SYNE2: variants seen among roughly 807,000 people sequenced by gnomAD.
SYNE2 encodes nesprin-2.
SYNE2 carries 431 observed loss-of-function variants against 856.3 expected under a neutral mutation model. The observed-to-expected ratio is 0.50, with a 90% confidence interval of 0.47 to 0.55. The LOEUF (loss-of-function observed/expected upper bound fraction) is 0.55, where lower values mean the gene tolerates loss of function less well. Ranked by LOEUF, SYNE2 falls within the 20% of genes least tolerant of loss-of-function variation. The pLI is 0.00. For synonymous variants in SYNE2, 2,923 were observed against 2,872.3 expected, an observed-to-expected ratio of 1.02 and a Z score of -0.56; for missense variants, 8,129 against 8,023.2, an observed-to-expected ratio of 1.01 and a Z score of -0.50.
intron 43 of SYNE2, 38 bp downstream of exon 43, chr14:64,027,831 A>G (rs556424166): frequency 6.7e-7 from 1 of 1,500,708 alleles, no homozygotes; most frequent in Non-Finnish European, 9.3e-7. Context: ...TGATTGTTCT[A>G]ATTATACATA....
At position 63,941,939 on chromosome 14, in the gene SYNE2, T is replaced by A; in HGVS notation, c.292T>A (p.Leu98Met). 6.2e-7 allele frequency: 1 copy of A among 1,613,096 alleles called. No individual in the cohort carries two copies. The change falls in exon 5 of 116, where the codon TTG (leucine) becomes ATG (methionine). Residue 98 changes from leucine to methionine, a missense_variant. Around this residue, in one of 3 missense-constraint regions of SYNE2, gnomAD observed 2,422 missense variants for 2,357.4 expected, o/e 1.03. Coordinates refer to ENST00000555002, the MANE Select transcript of SYNE2 (RefSeq NM_182914.3). The part of the protein sequence containing the change: ...FQCRINIEHA[L>M]TFLRNRSIKL... ...GTGTAGAATCAATATAGAACATGCC[T>A]TGACATTCCTAAGAAACCGATCAGT...
intron 41 of SYNE2, 140 bp downstream of exon 41, chr14:64,025,561 T>G (rs964737431): frequency 8.1e-6 from 7 of 861,260 alleles, no homozygotes; most frequent in Non-Finnish European, 1.2e-5. Context: ...ATCACTGAGC[T>G]TACAAAAAAG....
In SYNE2 at chr14:64,142,019, T is replaced by G; in HGVS notation, c.15237T>G (p.Thr5079=). The G allele has an allele frequency of 6.2e-7, 1 of 1,614,150 alleles. No individual in the cohort carries two copies. Among genetic ancestry groups the G allele is most frequent in the African/African-American group, 1.3e-5 (1 of 75,060 alleles). The part of the protein sequence containing the change: ...ISWMNNVEHQ[T]SDEDSVHSPS... ...GGATGAACAATGTGGAGCATCAAAC[T>G]TCAGATGAAGACTCCGTGCATTCAC... The change falls in exon 82 of 116, where the codon ACT becomes ACG. Residue 5079 remains threonine, a synonymous_variant. Coordinates refer to ENST00000555002, the MANE Select transcript of SYNE2 (RefSeq NM_182914.3).
chr14:64,191,501 G>A lies in SYNE2; in HGVS notation c.18038+1264G>A, dbSNP rs115206847. Among the ~76,000 whole-genome samples, 495 of 152,294 alleles carry A rather than the reference G, an allele frequency of 3.3e-3. 2 individuals carry two copies. The highest frequency in any genetic ancestry group is 0.011 in the African/African-American group (459 of 41,560). On this transcript the variant is annotated intron_variant, in intron 99 of 115. Coordinates refer to ENST00000555002, the MANE Select transcript of SYNE2 (RefSeq NM_182914.3). ...AGAGAGAGAGACACATACATTGAGA[G>A]CAAACAGGTACAGAATAGAGCAGCA...
chr14:63,983,649 A>G (rs1383293556), intron 17 of SYNE2, 88 bp from the exon 18 acceptor site: 12 of 1,111,618 alleles, frequency 1.1e-5, no homozygotes, highest in Non-Finnish European at 1.5e-5. Flanking sequence ...CATATATTTG[A>G]ATATATTACA....
At chr14:64,186,151 A>T (rs1182082763) in intron 96 of SYNE2, among the ~76,000 whole-genome samples, 2 of 152,216 alleles carry the variant, frequency 1.3e-5, no homozygotes, top group Admixed American at 6.5e-5. Context: ...GACCTATGTG[A>T]CTTTAAAATA....
At chr14:64,189,093 G>A (rs889913022) in intron 98 of SYNE2, 3 of 655,948 alleles carry the variant, frequency 4.6e-6, no homozygotes, top group African/African-American at 3.6e-5. Flanking sequence ...TAGCACTTTG[G>A]GAGGCCAAGG....
At chr14:63,800,323 T>A (rs1888085151) in intron 1 of SYNE2, among the ~76,000 whole-genome samples, 1 of 152,044 alleles carries the variant, frequency 6.6e-6, no homozygotes, top group African/African-American at 2.4e-5. Flanking sequence ...CACGTTCAAG[T>A]GATTCTTCAG....
intron 87 of SYNE2, among the ~76,000 whole-genome samples, chr14:64,160,066 G>A (rs1210629008): frequency 3.3e-5 from 5 of 152,210 alleles, no homozygotes; most frequent in Admixed American, 6.5e-5. Context: ...CCTGTATGCA[G>A]TTTCAGCCTC....
At chr14:63,893,851 C>T (rs2095193216) in intron 1 of SYNE2, among the ~76,000 whole-genome samples, 1 of 152,078 alleles carries the variant, frequency 6.6e-6, no homozygotes, top group Non-Finnish European at 1.5e-5. Flanking sequence ...CTAAGTGATG[C>T]AAGGATGTCC....
At chr14:63,835,710 G>C (rs539488277) in intron 1 of SYNE2, among the ~76,000 whole-genome samples, 1 of 152,042 alleles carries the variant, frequency 6.6e-6, no homozygotes, top group African/African-American at 2.4e-5. Flanking sequence ...AAGGCCGGGC[G>C]TGGTGGCTAA....
At chr14:63,832,393 G>T (rs767917263) in intron 1 of SYNE2, among the ~76,000 whole-genome samples, 1 of 151,578 alleles carries the variant, frequency 6.6e-6, no homozygotes, top group African/African-American at 2.4e-5. Context: ...CTCCCACCTC[G>T]GCCTCCCAAA....
intron 1 of SYNE2, among the ~76,000 whole-genome samples, chr14:63,803,454 G>C (rs1029347214): frequency 2.0e-5 from 3 of 152,210 alleles, no homozygotes; most frequent in Admixed American, 1.3e-4. Flanking sequence ...GCGCAGTGCC[G>C]GTGGGCTGGC....
At chr14:64,128,677 TG>T in intron 74 of SYNE2, 124 bp downstream of exon 74, 1 of 707,186 alleles carries the variant, frequency 1.4e-6, no homozygotes, top group South Asian at 1.5e-5. Context: ...AAATAAAAAA[TG>T]AGAACTATTT....
intron 1 of SYNE2, among the ~76,000 whole-genome samples, chr14:63,884,577 T>A (rs2094939199): frequency 6.6e-6 from 1 of 152,100 alleles, no homozygotes; most frequent in Admixed American, 6.6e-5. Flanking sequence ...GCCAATCACC[T>A]CACTCTCCCT....
chr14:64,070,987 A>T (rs2097401800), intron 52 of SYNE2, 77 bp downstream of exon 52: 1 of 1,438,086 alleles, frequency 7.0e-7, no homozygotes, highest in Non-Finnish European at 9.7e-7. Context: ...AAAAGTATAG[A>T]ATAATGGCAA....
intron 49 of SYNE2, among the ~76,000 whole-genome samples, chr14:64,058,187 T>A (rs1369964244): frequency 1.3e-5 from 2 of 152,230 alleles, no homozygotes; most frequent in East Asian, 3.8e-4. Context: ...ACCAAAGAAA[T>A]CTTTGCCCAG....
chr14:64,220,539 C>T lies in SYNE2; in HGVS notation c.19963C>T (p.Gln6655Ter). ...QTESPESTELQSRLRQLSLLW... is the reference protein window; with the variant it reads ...QTESPESTEL ...CGAGAGCCCCGAATCCACAGAGCTC[C>T]AAAGTAGACTCCGCCAGCTGAGCCT... Residue 6655 changes from glutamine (Q) to a stop codon, truncating the protein, a stop_gained, in exon 111 of 116, where the codon CAA becomes TAA. Transcript: ENST00000555002. LOFTEE classifies it high-confidence loss of function. 1 of 1,614,104 alleles carries T rather than the reference C, an allele frequency of 6.2e-7. No individual in the cohort carries two copies.
intron 45 of SYNE2, among the ~76,000 whole-genome samples, chr14:64,033,840 T>C (rs1023588023): frequency 4.6e-5 from 7 of 152,226 alleles, no homozygotes; most frequent in African/African-American, 1.4e-4. Flanking sequence ...ATGGAGGAAT[T>C]GATGTCCTCA....
Sources: allele counts gnomAD v4.1 joint callset (sites outside exome capture counted in the v4.1 genomes callset), GRCh38; gene constraint gnomAD v4.1.1; regional missense constraint gnomAD v4.1.1; transcripts MANE v1.5; gene names NCBI Gene and HGNC (gene_info 2026-07-23, HGNC 2026-07-21).